The following FSTL4 variants were observed in gnomAD, a reference collection of about 807,000 sequenced individuals.
The protein encoded by FSTL4 is follistatin-related protein 4.
FSTL4 carries 28 observed loss-of-function variants against 78.2 expected under a neutral mutation model. The ratio of observed to expected loss-of-function variants is 0.36; its 90% CI spans 0.27 to 0.49. The LOEUF (loss-of-function observed/expected upper bound fraction) is 0.49, where lower values mean the gene tolerates loss of function less well. FSTL4 is among the 20% of genes least tolerant of loss of function. The pLI is 0.98. For missense variants in FSTL4, 922 were observed against 1,084.9 expected (o/e 0.85, Z 2.11); for synonymous variants, 422 against 440.5 (o/e 0.96, Z 0.53).
chr5:133,395,802 C>T (rs1270645647), intron 4 of FSTL4, among the ~76,000 whole-genome samples: 3 of 152,220 alleles, frequency 2.0e-5, no homozygotes, highest in East Asian at 1.9e-4. Flanking sequence ...GGTCCCCTCT[C>T]CTCCAGCACC....
At chr5:133,314,594 T>G (rs771072967) in intron 5 of FSTL4, among the ~76,000 whole-genome samples, 1 of 136,018 alleles carries the variant, frequency 7.4e-6, no homozygotes, top group Non-Finnish European at 1.6e-5. Context: ...TGGGAGCCAT[T>G]CTCTCCAGGG....
chr5:133,800,865 G>A, the FSTL4 span, among the ~76,000 whole-genome samples: 215 of 152,066 alleles, frequency 1.4e-3, no homozygotes, highest in African/African-American at 5.1e-3. Context: ...GGCTGTCATG[G>A]CAAAGCTGCT....
the FSTL4 span, among the ~76,000 whole-genome samples, chr5:133,733,059 A>G: frequency 6.6e-6 from 1 of 152,244 alleles, no homozygotes; most frequent in Non-Finnish European, 1.5e-5. Flanking sequence ...GGAGTTTCTC[A>G]GATACTTGTT....
chr5:133,217,088 C>G (rs188892633), intron 13 of FSTL4, 141 bp downstream of exon 13: 1 of 640,240 alleles, frequency 1.6e-6, no homozygotes, highest in Non-Finnish European at 2.7e-6. Flanking sequence ...CAATACTTCA[C>G]GAATAATTAC....
At chr5:133,365,646 A>G (rs1755168290) in intron 4 of FSTL4, among the ~76,000 whole-genome samples, 1 of 152,270 alleles carries the variant, frequency 6.6e-6, no homozygotes, top group African/African-American at 2.4e-5. Flanking sequence ...ATTTGTCAGG[A>G]GAATGAGTTA....
the FSTL4 span, among the ~76,000 whole-genome samples, chr5:133,641,029 T>C: frequency 6.6e-6 from 1 of 152,196 alleles, no homozygotes; most frequent in Non-Finnish European, 1.5e-5. Context: ...GCAGGTTGTG[T>C]ACTGCACTAT....
chr5:133,225,652 T>C lies in FSTL4; in HGVS notation c.1177+6A>G, dbSNP rs759425192. 7.0e-6 allele frequency: 11 copies of C among 1,577,744 alleles called. No individual in the cohort carries two copies. The South Asian group carries it at 1.3e-4, about 19-fold the overall frequency. On this transcript the variant is annotated splice_donor_region_variant and intron_variant, in intron 9 of 15. Transcript: ENST00000265342. The surrounding 1 kb of genome is among the most constrained non-coding windows in gnomAD (Gnocchi z 4.6). ...CGCATAGACGTCTACCAAGGGCAGT[T>C]CTTACCTAAAAGGGAGAGCTGTTTG... is the stretch of plus-strand genomic sequence containing the variant.
At chr5:133,481,903 C>T (rs555304485) in intron 3 of FSTL4, among the ~76,000 whole-genome samples, 2 of 152,236 alleles carry the variant, frequency 1.3e-5, no homozygotes, top group African/African-American at 4.8e-5. Flanking sequence ...GCATTCATAC[C>T]CCAACAAAAA....
intron 2 of FSTL4, 135 bp downstream of exon 2, chr5:133,603,723 C>T: frequency 9.7e-7 from 1 of 1,026,834 alleles, no homozygotes; most frequent in South Asian, 1.5e-5. Flanking sequence ...CTTCTGTCCC[C>T]ACCAAAAAGG....
In FSTL4 at chr5:133,612,069, C is replaced by T. The variant is rs1444243443; in HGVS notation, c.-11+256G>A. On this transcript the variant is annotated intron_variant, in intron 1 of 15. Coordinates refer to ENST00000265342, the MANE Select transcript of FSTL4 (RefSeq NM_015082.2). This position sits in a 1 kb window ranked among gnomAD's most constrained non-coding sequence, Gnocchi z 6.2. The stretch of plus-strand genomic sequence containing the variant: ...CGTAGACCCCGGCCACGAGCCTCGG[C>T]GTCCCAGCCTCTCCTCGAGTCCTGG... Among the ~76,000 whole-genome samples, 1 of 152,026 alleles carries T rather than the reference C, an allele frequency of 6.6e-6. No homozygotes were observed.
At chr5:133,809,390 C>CCTCAGAGGG in the FSTL4 span, among the ~76,000 whole-genome samples, 5 of 143,936 alleles carry the variant, frequency 3.5e-5, no homozygotes, top group Admixed American at 3.4e-4. Context: ...AAAAAAAAGA[C>CCTCAGAGGG]CTCAGAGGGT....
rs1028417054 is a variant in FSTL4, at chr5:133,462,763, G to A, written c.161-61777C>T. On this transcript the variant is annotated intron_variant, in intron 3 of 15. Coordinates refer to ENST00000265342, the MANE Select transcript of FSTL4 (RefSeq NM_015082.2). ...AAGGATGATAGAGTGGAAGGAAGCCGGCGCTTGATACTGATGATGGTTCTG... is the reference window on the plus strand; with the variant it reads ...AAGGATGATAGAGTGGAAGGAAGCCAGCGCTTGATACTGATGATGGTTCTG... Among the ~76,000 whole-genome samples the A allele has an allele frequency of 3.9e-5, 6 of 152,182 alleles. No individual in the cohort carries two copies. The East Asian group carries it at 5.8e-4, about 15-fold the overall frequency.
At chr5:133,676,844 C>G in the FSTL4 span, among the ~76,000 whole-genome samples, 2 of 152,150 alleles carry the variant, frequency 1.3e-5, no homozygotes, top group Non-Finnish European at 2.9e-5. Context: ...TTCTTTACTT[C>G]TCTTGTCTAA....
At chr5:133,789,859 T>A in the FSTL4 span, among the ~76,000 whole-genome samples, 1 of 152,188 alleles carries the variant, frequency 6.6e-6, no homozygotes, top group Non-Finnish European at 1.5e-5. Flanking sequence ...CTGCCTTATG[T>A]CCTCATCTAA....
At chr5:133,509,557 T>A (rs556967757) in intron 3 of FSTL4, among the ~76,000 whole-genome samples, 3 of 152,348 alleles carry the variant, frequency 2.0e-5, no homozygotes, top group Admixed American at 2.0e-4. Context: ...TTGAGACCAA[T>A]GAGTGTTCAC....
the FSTL4 span, among the ~76,000 whole-genome samples, chr5:133,681,217 C>T: frequency 7.9e-5 from 12 of 152,222 alleles, no homozygotes; most frequent in African/African-American, 2.4e-4. Flanking sequence ...GGGCAGACCC[C>T]GGGCAGTCCT....
the FSTL4 span, among the ~76,000 whole-genome samples, chr5:133,626,770 T>C: frequency 6.6e-6 from 1 of 152,132 alleles, no homozygotes; most frequent in South Asian, 2.1e-4. Context: ...TATAAATTCT[T>C]TCAAAGTTAG....
the FSTL4 span, among the ~76,000 whole-genome samples, chr5:133,787,631 C>A: frequency 7.1e-6 from 1 of 139,998 alleles, no homozygotes; most frequent in Admixed American, 7.2e-5. Flanking sequence ...CAGCCAAAAT[C>A]CTCACTGGAG....
chr5:133,199,138 C>G lies in FSTL4; in HGVS notation c.2486G>C (p.Gly829Ala). 2 of 1,584,300 alleles carry G rather than the reference C, an allele frequency of 1.3e-6. No individual in the cohort carries two copies. Among genetic ancestry groups the G allele is most frequent in the Non-Finnish European group, 1.7e-6 (2 of 1,162,376 alleles). Reference protein sequence around the residue: ...RQNTLRCEVSGIKGGTTVVWV... With the variant: ...RQNTLRCEVSAIKGGTTVVWV... ...CACCACTGTGGTCCCCCCCTTTATA[C>G]CTGACACCTCACACCGCAGCGTGTT... Residue 829 changes from glycine (G) to alanine (A), a missense_variant, in exon 16 of 16, where the codon GGT (glycine) becomes GCT (alanine). Gly to Ala is a moderately conservative substitution (Grantham distance 60, BLOSUM62 0). Transcript: ENST00000265342. The surrounding 1 kb of genome is among the most constrained non-coding windows in gnomAD (Gnocchi z 4.4).
Sources: gnomAD v4.1 joint callset for allele counts (sites outside exome capture counted in the v4.1 genomes callset) on GRCh38, gnomAD v4.1.1 for gene constraint, Gnocchi (gnomAD v3.1) non-coding constraint, MANE v1.5 for transcripts, NCBI Gene and HGNC (gene_info 2026-07-23, HGNC 2026-07-21) for gene names.